The following SUGCT variants were observed in gnomAD, a reference collection of about 807,000 sequenced individuals.
The protein encoded by SUGCT is succinyl-CoA:glutarate CoA-transferase.
Under a neutral mutation model 55.0 loss-of-function variants are expected in SUGCT, and 41 were observed. The ratio of observed to expected loss-of-function variants is 0.74; its 90% CI spans 0.58 to 0.97. SUGCT has a LOEUF of 0.97. Among genes scored for constraint, SUGCT ranks in the 50% least tolerant of loss-of-function variants. The pLI is 0.00. For synonymous variants in SUGCT, 187 were observed against 200.4 expected, an observed-to-expected ratio of 0.93 and a Z score of 0.56; for missense variants, 568 against 547.8, an observed-to-expected ratio of 1.04 and a Z score of -0.37.
intron 13 of SUGCT, among the ~76,000 whole-genome samples, chr7:40,768,391 T>C (rs910305414): frequency 6.6e-6 from 1 of 152,100 alleles, no homozygotes; most frequent in African/African-American, 2.4e-5. Context: ...CCATGGACTC[T>C]TGTTCTCCAT....
At chr7:41,003,372 G>A in the SUGCT span, among the ~76,000 whole-genome samples, 1 of 151,962 alleles carries the variant, frequency 6.6e-6, no homozygotes, top group East Asian at 1.9e-4. Context: ...TAGAGAGAGG[G>A]ATAGGGTTGC....
At chr7:40,284,289 T>C (rs7795953) in intron 8 of SUGCT, among the ~76,000 whole-genome samples, 5,727 of 152,170 alleles carry the variant, frequency 0.038, 372 homozygotes, top group African/African-American at 0.13. Flanking sequence ...ATCTTAAATG[T>C]TCTTATCATT....
chr7:40,626,240 T>C (rs527354431), intron 12 of SUGCT, among the ~76,000 whole-genome samples: 9 of 152,164 alleles, frequency 5.9e-5, no homozygotes, highest in Admixed American at 3.9e-4. Context: ...AGAGACTTTC[T>C]TTCTTTTTTC....
chr7:40,554,041 G>A (rs1361633049), intron 12 of SUGCT, among the ~76,000 whole-genome samples: 1 of 152,226 alleles, frequency 6.6e-6, no homozygotes, highest in African/African-American at 2.4e-5. Context: ...ATTGAACTCT[G>A]ACTCTGGGGT....
At chr7:40,917,576 T>A in the SUGCT span, among the ~76,000 whole-genome samples, 1 of 152,282 alleles carries the variant, frequency 6.6e-6, no homozygotes, top group African/African-American at 2.4e-5. Flanking sequence ...GGATCTAGGC[T>A]GCAGGAGGAG....
At chr7:40,498,465 C>T (rs1792104434) in intron 12 of SUGCT, among the ~76,000 whole-genome samples, 2 of 152,128 alleles carry the variant, frequency 1.3e-5, no homozygotes, top group South Asian at 2.1e-4. Flanking sequence ...GCAGTCCCCC[C>T]TCCCCTTTTT....
At chr7:40,203,687 A>G (rs549898375) in intron 6 of SUGCT, among the ~76,000 whole-genome samples, 16 of 152,096 alleles carry the variant, frequency 1.1e-4, no homozygotes, top group East Asian at 1.9e-4. Flanking sequence ...AGGCATGAGA[A>G]TCGGTTGAAC....
intron 9 of SUGCT, among the ~76,000 whole-genome samples, chr7:40,427,785 G>A (rs1787668086): frequency 6.6e-6 from 1 of 152,164 alleles, no homozygotes; most frequent in African/African-American, 2.4e-5. Context: ...GGAAGGGAGA[G>A]TCAAAGAAGG....
intron 11 of SUGCT, among the ~76,000 whole-genome samples, chr7:40,475,745 T>C (rs1042324922): frequency 2.6e-5 from 4 of 152,176 alleles, no homozygotes; most frequent in Non-Finnish European, 5.9e-5. Flanking sequence ...TATTACAGGA[T>C]TGTTACTATG....
intron 9 of SUGCT, among the ~76,000 whole-genome samples, chr7:40,399,868 G>GT (rs1170788897): frequency 6.6e-6 from 1 of 151,932 alleles, no homozygotes; most frequent in Non-Finnish European, 1.5e-5. Context: ...TAGTTGTAGG[G>GT]TTTTTTTAAA....
At chr7:40,615,916 A>G (rs1798982025) in intron 12 of SUGCT, among the ~76,000 whole-genome samples, 2 of 152,188 alleles carry the variant, frequency 1.3e-5, no homozygotes, top group South Asian at 4.1e-4. Context: ...TTTGCTCTCC[A>G]TTTTGAAAGA....
chr7:40,400,393 C>G (rs1449625044), intron 9 of SUGCT, among the ~76,000 whole-genome samples: 1 of 152,144 alleles, frequency 6.6e-6, no homozygotes, highest in African/African-American at 2.4e-5. Context: ...TGGCTGAAGG[C>G]AAAGGAGGAG....
chr7:40,431,625 A>G (rs1441485537), intron 9 of SUGCT, among the ~76,000 whole-genome samples: 1 of 152,060 alleles, frequency 6.6e-6, no homozygotes, highest in Non-Finnish European at 1.5e-5. Flanking sequence ...AGTATTTTAT[A>G]ATTTTCAGTG....
intron 13 of SUGCT, among the ~76,000 whole-genome samples, chr7:40,816,966 A>G (rs1219331428): frequency 6.6e-6 from 1 of 152,242 alleles, no homozygotes; most frequent in Non-Finnish European, 1.5e-5. Context: ...GTATAAGAAG[A>G]TGATGAGAAT....
At chr7:40,614,058 T>C (rs1798885666) in intron 12 of SUGCT, among the ~76,000 whole-genome samples, 1 of 152,188 alleles carries the variant, frequency 6.6e-6, no homozygotes, top group Non-Finnish European at 1.5e-5. Context: ...AAGCCTACCA[T>C]TTAATTCAGG....
chr7:40,467,046 CA>C (rs1790150745), intron 11 of SUGCT, among the ~76,000 whole-genome samples: 1 of 151,482 alleles, frequency 6.6e-6, no homozygotes, highest in South Asian at 2.1e-4. Context: ...TACTAAAATA[CA>C]AAAAACTAGC....
the SUGCT span, among the ~76,000 whole-genome samples, chr7:41,028,138 C>A: frequency 6.6e-6 from 1 of 152,216 alleles, no homozygotes; most frequent in Non-Finnish European, 1.5e-5. Flanking sequence ...GTGCCTCCAG[C>A]GTCTGGTCCC....
intron 12 of SUGCT, among the ~76,000 whole-genome samples, chr7:40,704,754 C>G (rs922983254): frequency 6.6e-6 from 1 of 152,222 alleles, no homozygotes; most frequent in African/African-American, 2.4e-5. Context: ...GTTCCAGATA[C>G]TCTTCTAAGG....
rs551803892 is a variant in SUGCT at position 40,543,403 on chromosome 7, A to C, written c.1089+47017A>C. 3.9e-5 allele frequency among the ~76,000 whole-genome samples: 6 copies of C among 152,356 alleles called. No homozygotes were observed. In the East Asian group the frequency reaches 9.6e-4, roughly 24 times the overall value. On this transcript the variant is annotated intron_variant, in intron 12 of 13. Transcript: ENST00000335693. Reference sequence around the variant, plus strand: ...ATGTGCAAACCTGAAGATCTTGATAAAATAATTTAAAAAATGAAGGCTGCA... The same window carrying C: ...ATGTGCAAACCTGAAGATCTTGATACAATAATTTAAAAAATGAAGGCTGCA...
Sources: gnomAD v4.1 joint callset for allele counts (sites outside exome capture counted in the v4.1 genomes callset) on GRCh38, gnomAD v4.1.1 for gene constraint, MANE v1.5 for transcripts, NCBI Gene and HGNC (gene_info 2026-07-23, HGNC 2026-07-21) for gene names.